ATP5MC1: variants seen among roughly 807,000 people sequenced by gnomAD.
The protein encoded by ATP5MC1 is ATP synthase F(0) complex subunit C1, mitochondrial.
Under a neutral mutation model 12.1 loss-of-function variants are expected in ATP5MC1, and 4 were observed. The observed-to-expected ratio is 0.33, with a 90% CI of 0.16 to 0.76. ATP5MC1 has a LOEUF of 0.76. Among genes scored for constraint, ATP5MC1 ranks in the 30% least tolerant of loss-of-function variants. ATP5MC1 has a pLI of 0.61. For missense variants in ATP5MC1, 117 were observed against 172.1 expected, an observed-to-expected ratio of 0.68 and a Z score of 1.79; for synonymous variants, 52 against 66.0, an observed-to-expected ratio of 0.79 and a Z score of 1.03.
Position 48,892,827 on chromosome 17 carries a change from G to T in ATP5MC1, c.-93G>T, listed in dbSNP as rs2040541752. ...GGGAAGCTGAGCGCTGAGACCAAGG[G>T]CTAAAGCTGGGAGGTGAGTCTGTCA... On this transcript the variant is annotated 5_prime_UTR_variant, in exon 1 of 5. Transcript: ENST00000393366. 6.5e-6 allele frequency: 1 copy of T among 153,858 alleles called. No homozygotes were observed. The allele number at this position is 153,858 out of a possible 1,614,324, so 9.5% of individuals were successfully genotyped here.
In ATP5MC1 at chr17:48,894,386, C is replaced by CA. The variant is rs2040554187; in HGVS notation, c.55dup (p.Arg19LysfsTer14). ...TGATTTTACAGATCCGCTGTTGTAC[C>CA]AGGGGTCTAATCAGGCCTGTGTCTG... On this transcript the variant is annotated frameshift_variant, in exon 3 of 5. Coordinates refer to ENST00000393366, the MANE Select transcript of ATP5MC1 (RefSeq NM_005175.3). LOFTEE classifies it high-confidence loss of function. 1 of 1,613,764 alleles carries CA rather than the reference C, an allele frequency of 6.2e-7. No individual in the cohort carries two copies. Among genetic ancestry groups the CA allele is most frequent in the Non-Finnish European group, 8.5e-7 (1 of 1,179,970 alleles).
chr17:48,894,226 C>T, intron 2 of ATP5MC1, 146 bp from the exon 3 acceptor site: 1 of 767,278 alleles, frequency 1.3e-6, no homozygotes, highest in Non-Finnish European at 2.2e-6. Flanking sequence ...TGGGGCAGGC[C>T]TATCTGATAG....
In ATP5MC1 at chr17:48,895,661, G is replaced by A. The variant is rs11549733; in HGVS notation, c.303G>A (p.Pro101=). The change falls in exon 5 of 5, where the codon CCG becomes CCA. Residue 101 remains proline, a synonymous_variant. Transcript: ENST00000393366. ...TGATCTCTGTCCCTCCCAGGAACCC[G>A]TCTCTCAAGCAGCAGCTCTTCTCCT... ...GSLIIGYARN[P]SLKQQLFSYA... The A allele has an allele frequency of 1.0e-4, 169 of 1,613,486 alleles. No individual in the cohort carries two copies. In the Middle Eastern group the frequency reaches 3.0e-3, roughly 28 times the overall value.
chr17:48,894,256 T>C (rs1000949019), intron 2 of ATP5MC1, 116 bp from the exon 3 acceptor site: 3 of 1,012,002 alleles, frequency 3.0e-6, no homozygotes, highest in Non-Finnish European at 4.6e-6. Flanking sequence ...TAAATTGACC[T>C]TGAAATACAT....
intron 2 of ATP5MC1, 51 bp from the exon 3 acceptor site, chr17:48,894,321 G>A (rs1264000164): frequency 6.4e-7 from 1 of 1,569,386 alleles, no homozygotes; most frequent in Non-Finnish European, 8.8e-7. Flanking sequence ...CAGCAATTAG[G>A]ATTTTTTTTC....
rs1481661532 is a variant in ATP5MC1 at position 48,895,848 on chromosome 17, C to T, written c.*79C>T. 7.4e-7 allele frequency: 1 copy of T among 1,344,156 alleles called. No homozygotes were observed. Among genetic ancestry groups the T allele is most frequent in the East Asian group, 2.3e-5 (1 of 43,514 alleles). 83.3% of individuals were successfully genotyped at this position (1,344,156 alleles called of 1,614,324 possible). A position where few individuals can be genotyped will look rare whatever the true frequency, so the allele number is the denominator to read the frequency against. On this transcript the variant is annotated 3_prime_UTR_variant, in exon 5 of 5. Transcript: ENST00000393366. Reference sequence around the variant, plus strand: ...GGTGCTGGGGTGTGTTAAGCTTTACCATTAAACACAACGTTTCTCTAAACC... The same window carrying T: ...GGTGCTGGGGTGTGTTAAGCTTTACTATTAAACACAACGTTTCTCTAAACC...
intron 1 of ATP5MC1, chr17:48,893,208 C>A (rs558516714): frequency 3.7e-6 from 2 of 538,868 alleles, no homozygotes; most frequent in Admixed American, 3.2e-5. Flanking sequence ...CCTTGACTTC[C>A]GATCTCCATG....
chr17:48,895,382 T>C (rs2040563550), intron 4 of ATP5MC1, 48 bp downstream of exon 4: 1 of 1,540,976 alleles, frequency 6.5e-7, no homozygotes, highest in Non-Finnish European at 8.8e-7. Context: ...TTCCACCCCG[T>C]TTGGGGAAGC....
intron 3 of ATP5MC1, chr17:48,894,827 A>T (rs1406643826): frequency 5.5e-6 from 3 of 542,618 alleles, no homozygotes; most frequent in Admixed American, 2.2e-5. Flanking sequence ...CTTCAGCTTA[A>T]GTTGCCTTTA....
chr17:48,893,480 C>A, intron 2 of ATP5MC1, 24 bp downstream of exon 2: 1 of 1,613,064 alleles, frequency 6.2e-7, no homozygotes. Flanking sequence ...CCGCAGTGCT[C>A]TGTAGTACCA....
chr17:48,894,773 T>G, intron 3 of ATP5MC1: 1 of 523,688 alleles, frequency 1.9e-6, no homozygotes. Flanking sequence ...AAAAACCCAT[T>G]AATTAATTTT....
At chr17:48,894,213 C>A in intron 2 of ATP5MC1, 159 bp from the exon 3 acceptor site, 1 of 691,450 alleles carries the variant, frequency 1.4e-6, no homozygotes, top group Non-Finnish European at 2.5e-6. Context: ...AGACAGCTGT[C>A]TCTGGGGCAG....
At chr17:48,894,323 T>C in intron 2 of ATP5MC1, 49 bp from the exon 3 acceptor site, 1 of 1,571,322 alleles carries the variant, frequency 6.4e-7, no homozygotes, top group Non-Finnish European at 8.7e-7. Context: ...GCAATTAGGA[T>C]TTTTTTTCCT....
intron 3 of ATP5MC1, 66 bp downstream of exon 3, chr17:48,894,515 C>G: frequency 1.3e-6 from 2 of 1,520,130 alleles, no homozygotes; most frequent in Non-Finnish European, 1.8e-6. Context: ...CACCTGTAAT[C>G]CCAGCTCTTT....
At chr17:48,894,633 G>A in intron 3 of ATP5MC1, 184 bp downstream of exon 3, 1 of 566,358 alleles carries the variant, frequency 1.8e-6, no homozygotes, top group Non-Finnish European at 3.1e-6. Flanking sequence ...AGCCATGTGT[G>A]GTGGCATGTG....
intron 3 of ATP5MC1, chr17:48,894,729 C>A: frequency 1.9e-6 from 1 of 520,600 alleles, no homozygotes; most frequent in South Asian, 1.8e-5. Context: ...CCACTGCACT[C>A]CAGACTGGGT....
intron 1 of ATP5MC1, 152 bp downstream of exon 1, chr17:48,893,062 C>A: frequency 3.1e-6 from 1 of 321,700 alleles, no homozygotes; most frequent in Non-Finnish European, 5.8e-6. Flanking sequence ...GATTGACTGC[C>A]TCGGCTGGGG....
chr17:48,894,613 T>TA lies in ATP5MC1; in HGVS notation c.117+171dup, dbSNP rs969331856. The TA allele has an allele frequency of 1.1e-4, 73 of 638,308 alleles. No individual in the cohort carries two copies. In the East Asian group the frequency reaches 1.6e-3, roughly 14 times the overall value. 39.5% of individuals were successfully genotyped at this position (638,308 alleles called of 1,614,324 possible). On this transcript the variant is annotated intron_variant, in intron 3 of 4. Coordinates refer to ENST00000393366, the MANE Select transcript of ATP5MC1 (RefSeq NM_005175.3). The stretch of plus-strand genomic sequence containing the variant: ...TGAAACCCCATCTCTACAAAAAAAA[T>TA]AAAAAAATTAGCCATGTGTGGTGGC...
At chr17:48,895,474 G>T in intron 4 of ATP5MC1, 140 bp downstream of exon 4, 1 of 1,386,122 alleles carries the variant, frequency 7.2e-7, no homozygotes, top group Non-Finnish European at 9.9e-7. Context: ...CATGCATCCA[G>T]CCTGGCTCAC....
Sources: gnomAD v4.1 joint callset for allele counts on GRCh38, gnomAD v4.1.1 for gene constraint, MANE v1.5 for transcripts, NCBI Gene and HGNC (gene_info 2026-07-23, HGNC 2026-07-21) for gene names.